The following HAGH variants were observed in gnomAD, a reference collection of about 807,000 sequenced individuals.
The protein encoded by HAGH is hydroxyacylglutathione hydrolase, mitochondrial.
In HAGH, 29 loss-of-function variants were observed where a neutral mutation model predicts 35.1. The observed-to-expected ratio is 0.83, with a 90% confidence interval of 0.62 to 1.13. HAGH has a LOEUF of 1.13. Among genes scored for constraint, HAGH ranks in the 50% most tolerant of loss-of-function variants. The probability of loss-of-function intolerance (pLI) is 0.00; values close to 1 mark genes in which losing one functional copy is unlikely to be tolerated. For synonymous variants in HAGH, 225 were observed against 176.1 expected (o/e 1.28, Z -2.20); for missense variants, 478 against 419.6 (o/e 1.14, Z -1.22).
intron 7 of HAGH, among the ~76,000 whole-genome samples, chr16:1,813,687 T>C (rs1026600437): frequency 2.4e-4 from 37 of 152,328 alleles, no homozygotes; most frequent in African/African-American, 8.2e-4. Context: ...AGGCTAGCTT[T>C]TCTGATAGAA....
At chr16:1,811,077 C>T (rs1417371371) in intron 7 of HAGH, among the ~76,000 whole-genome samples, 1 of 152,180 alleles carries the variant, frequency 6.6e-6, no homozygotes, top group African/African-American at 2.4e-5. Flanking sequence ...TTTTAATGTT[C>T]TAGCTATTTT....
At chr16:1,816,215 A>T (rs975731709) in intron 7 of HAGH, among the ~76,000 whole-genome samples, 5 of 92,682 alleles carry the variant, frequency 5.4e-5, no homozygotes, top group Admixed American at 1.1e-4. Flanking sequence ...AAAAAAAATT[A>T]AAAAAAAAAA....
At chr16:1,814,403 G>A (rs896529920) in intron 7 of HAGH, among the ~76,000 whole-genome samples, 1 of 151,780 alleles carries the variant, frequency 6.6e-6, no homozygotes, top group African/African-American at 2.4e-5. Context: ...AAACCCAGGA[G>A]GTGGATGTTG....
At chr16:1,813,727 G>A (rs775685655) in intron 7 of HAGH, among the ~76,000 whole-genome samples, 6 of 152,228 alleles carry the variant, frequency 3.9e-5, no homozygotes, top group Non-Finnish European at 7.3e-5. Flanking sequence ...AAACGGAAAT[G>A]TAAAAGGCTT....
intron 3 of HAGH, among the ~76,000 whole-genome samples, chr16:1,820,630 C>A (rs1294390319): frequency 6.6e-6 from 1 of 152,192 alleles, no homozygotes; most frequent in Non-Finnish European, 1.5e-5. Context: ...GGGAGCCTGC[C>A]TGACCCGCAG....
chr16:1,824,232 AAAC>A (rs1402145481), intron 1 of HAGH, among the ~76,000 whole-genome samples: 24 of 149,104 alleles, frequency 1.6e-4, no homozygotes, highest in Admixed American at 2.7e-4. Context: ...AAAAAAAAAA[AAAC>A]AAACAAACAA....
chr16:1,816,469 C>T (rs889806891), intron 7 of HAGH, among the ~76,000 whole-genome samples: 3 of 152,130 alleles, frequency 2.0e-5, no homozygotes, highest in Non-Finnish European at 4.4e-5. Context: ...GGAAACACAC[C>T]CCTGGAGAAC....
chr16:1,812,675 TAAAC>T (rs748760932), intron 7 of HAGH, among the ~76,000 whole-genome samples: 29 of 152,288 alleles, frequency 1.9e-4, no homozygotes, highest in Non-Finnish European at 3.2e-4. Flanking sequence ...GACCTTGGGA[TAAAC>T]AAAGATTTCT....
chr16:1,820,464 G>A (rs184330657), intron 3 of HAGH, among the ~76,000 whole-genome samples: 2 of 152,102 alleles, frequency 1.3e-5, no homozygotes, highest in African/African-American at 2.4e-5. Flanking sequence ...TTTGTGGCCC[G>A]ACACTCTGGC....
At chr16:1,824,076 C>A (rs1052424135) in intron 1 of HAGH, among the ~76,000 whole-genome samples, 1 of 152,098 alleles carries the variant, frequency 6.6e-6, no homozygotes, top group African/African-American at 2.4e-5. Flanking sequence ...GCAGTTACAG[C>A]CCTTCTCAGC....
chr16:1,817,386 C>T (rs528855635), intron 5 of HAGH, 115 bp from the exon 6 acceptor site: 2 of 723,764 alleles, frequency 2.8e-6, no homozygotes, highest in Non-Finnish European at 5.0e-6. Flanking sequence ...CGAACCCTGG[C>T]TGCCCTCCGG....
chr16:1,819,382 C>A (rs56226103), intron 4 of HAGH, among the ~76,000 whole-genome samples, 159 bp from the exon 5 acceptor site: 1 of 152,166 alleles, frequency 6.6e-6, no homozygotes, highest in South Asian at 2.1e-4. Flanking sequence ...CTGGGGGACT[C>A]GCTCACTCCA....
chr16:1,813,693 T>C (rs950909293), intron 7 of HAGH, among the ~76,000 whole-genome samples: 1 of 152,224 alleles, frequency 6.6e-6, no homozygotes, highest in African/African-American at 2.4e-5. Flanking sequence ...GCTTTTCTGA[T>C]AGAAGTTCAC....
chr16:1,818,095 A>G (rs979833390), intron 5 of HAGH, among the ~76,000 whole-genome samples: 2 of 152,162 alleles, frequency 1.3e-5, no homozygotes, highest in Admixed American at 6.5e-5. Context: ...GCAGGAGGCC[A>G]TGGAGTCCCC....
chr16:1,813,133 G>GGGGAATC (rs1010236802), intron 7 of HAGH, among the ~76,000 whole-genome samples: 1 of 152,216 alleles, frequency 6.6e-6, no homozygotes, highest in Non-Finnish European at 1.5e-5. Flanking sequence ...TGGATCATGG[G>GGGGAATC]GGGAATCCTT....
intron 7 of HAGH, among the ~76,000 whole-genome samples, chr16:1,812,176 C>A (rs1330123710): frequency 2.9e-5 from 3 of 104,256 alleles, no homozygotes; most frequent in African/African-American, 1.2e-4. Context: ...GGCAGCAGAG[C>A]AAGACGCTGT....
intron 7 of HAGH, among the ~76,000 whole-genome samples, chr16:1,816,307 C>T (rs1193087637): frequency 6.6e-6 from 1 of 151,756 alleles, no homozygotes; most frequent in Non-Finnish European, 1.5e-5. Context: ...AACCTCTACT[C>T]TAAGAAATTG....
At chr16:1,823,344 T>C (rs1004914680) in intron 1 of HAGH, among the ~76,000 whole-genome samples, 2 of 150,176 alleles carry the variant, frequency 1.3e-5, no homozygotes, top group Non-Finnish European at 3.0e-5. Flanking sequence ...CTCGGCTCAC[T>C]GCAAGCTCCG....
At position 1,822,884 on chromosome 16, in the gene HAGH, T is replaced by A. The variant is rs1322762023; in HGVS notation, c.230A>T (p.Asp77Val). ...GCGCACCTTCTGGGGCTGCACCGGA[T>A]CCACAATGGCAGCCTCCTTGGTCTC... ...DDETKEAAIV[D>V]PVQPQKVVDA... Residue 77 changes from aspartate to valine, a missense_variant, in exon 2 of 9, where the codon GAT (aspartate) becomes GTT (valine). Transcript: ENST00000397356. 1 of 1,613,610 alleles carries A rather than the reference T, an allele frequency of 6.2e-7. No individual in the cohort carries two copies. The highest frequency in any genetic ancestry group is 8.5e-7 in the Non-Finnish European group (1 of 1,179,944).
Sources: allele counts gnomAD v4.1 joint callset (sites outside exome capture counted in the v4.1 genomes callset), GRCh38; gene constraint gnomAD v4.1.1; transcripts MANE v1.5; gene names NCBI Gene and HGNC (gene_info 2026-07-23, HGNC 2026-07-21).